Variants in IL1RAPL2 observed in about 807,000 individuals in gnomAD.
The protein encoded by IL1RAPL2 is interleukin 1 receptor accessory protein like 2, also known as X-linked interleukin-1 receptor accessory protein-like 2.
Under a neutral mutation model 44.1 loss-of-function variants are expected in IL1RAPL2, and 3 were observed. The observed-to-expected ratio is 0.07, with a 90% CI of 0.03 to 0.18. The LOEUF (loss-of-function observed/expected upper bound fraction) is 0.18, where lower values mean the gene tolerates loss of function less well. Ranked by LOEUF, IL1RAPL2 falls within the 10% of genes least tolerant of loss-of-function variation. The pLI, the probability that IL1RAPL2 is intolerant of heterozygous loss-of-function variation, is 1.00. For missense variants in IL1RAPL2, 391 were observed against 496.4 expected (o/e 0.79, Z 2.02); for synonymous variants, 181 against 178.8 (o/e 1.01, Z -0.10).
At chrX:104,596,492 C>T (rs1191126407) in intron 1 of IL1RAPL2, among the ~76,000 whole-genome samples, 2 of 111,626 alleles carry the variant, frequency 1.8e-5, no homozygotes, top group Non-Finnish European at 3.8e-5. Flanking sequence ...AAACTGGAAT[C>T]CAGATGCTAG....
intron 6 of IL1RAPL2, among the ~76,000 whole-genome samples, chrX:105,576,149 G>A (rs185821950): frequency 1.5e-3 from 162 of 110,677 alleles, no homozygotes; most frequent in Admixed American, 5.1e-3. Context: ...TCTTTTGCTG[G>A]GCAGAAGCTC....
intron 5 of IL1RAPL2, among the ~76,000 whole-genome samples, chrX:105,285,418 AAATT>A (rs1488768052): frequency 8.9e-6 from 1 of 112,221 alleles, no homozygotes; most frequent in Non-Finnish European, 1.9e-5. Context: ...ATGTCTTTTT[AAATT>A]AATTAATTAA....
At chrX:104,849,907 T>C (rs988927005) in intron 2 of IL1RAPL2, among the ~76,000 whole-genome samples, 2 of 111,272 alleles carry the variant, frequency 1.8e-5, no homozygotes, top group African/African-American at 6.5e-5. Context: ...GGAATTCTGG[T>C]TAACTCTGCC....
At chrX:104,647,987 A>T in intron 1 of IL1RAPL2, 1 of 813,393 alleles carries the variant, frequency 1.2e-6, no homozygotes, top group Admixed American at 2.3e-5. Flanking sequence ...GGACACAAAC[A>T]CTTTGGCAGC....
At chrX:104,840,153 G>A (rs1401912387) in intron 2 of IL1RAPL2, among the ~76,000 whole-genome samples, 1 of 111,635 alleles carries the variant, frequency 9.0e-6, no homozygotes, top group Admixed American at 9.6e-5. Context: ...TAATTGTGAT[G>A]TTATGGTGTT....
intron 2 of IL1RAPL2, among the ~76,000 whole-genome samples, chrX:104,693,570 C>T (rs772440705): frequency 1.8e-4 from 20 of 111,855 alleles, no homozygotes; most frequent in Non-Finnish European, 3.4e-4. Flanking sequence ...AAACGGACTG[C>T]CACACGGTGA....
chrX:104,614,550 T>C (rs1929230578), intron 1 of IL1RAPL2, among the ~76,000 whole-genome samples: 1 of 111,584 alleles, frequency 9.0e-6, no homozygotes, highest in Non-Finnish European at 1.9e-5. Flanking sequence ...ACTGATCAAA[T>C]GTTGAGTTCA....
In IL1RAPL2 at chrX:105,195,676, G is replaced by A; in HGVS notation, c.284G>A (p.Ser95Asn). The change falls in exon 3 of 11, where the codon AGC becomes AAC. Residue 95 changes from serine to asparagine, a missense_variant. Transcript: ENST00000372582. ...ATCATCTTTTCAGAGGTCAGGATGA[G>A]CAAAGAGGAAGATTCAATATGGTTT... ...EPIIFSEVRM[S>N]KEEDSIWFHS... The A allele has an allele frequency of 1.7e-6, 2 of 1,211,530 alleles. No homozygotes were observed. Among genetic ancestry groups the A allele is most frequent in the Non-Finnish European group, 2.2e-6 (2 of 895,073 alleles).
intron 2 of IL1RAPL2, among the ~76,000 whole-genome samples, chrX:104,839,728 T>A (rs1252357887): frequency 8.9e-6 from 1 of 111,800 alleles, no homozygotes. Flanking sequence ...GGGCTTTTTT[T>A]GTTTCGTAGG....
At chrX:105,406,055 T>C (rs1040541724) in intron 5 of IL1RAPL2, 12 of 1,198,596 alleles carry the variant, frequency 1.0e-5, no homozygotes, top group Non-Finnish European at 1.2e-5. Context: ...ACTTTACAAC[T>C]ACACGCATTA....
chrX:104,681,653 A>G (rs1930892839), intron 2 of IL1RAPL2, among the ~76,000 whole-genome samples: 1 of 112,797 alleles, frequency 8.9e-6, no homozygotes, highest in Admixed American at 9.4e-5. Flanking sequence ...AACTAATAGA[A>G]TCATGTCCTG....
At chrX:105,266,050 T>A (rs912067620) in intron 4 of IL1RAPL2, among the ~76,000 whole-genome samples, 63 of 110,694 alleles carry the variant, frequency 5.7e-4, no homozygotes, top group South Asian at 1.2e-3. Flanking sequence ...AAATACTTTT[T>A]TTTTTTTTGA....
At position 105,373,573 on chromosome X, in the gene IL1RAPL2, T is replaced by C. The variant is rs150815857; in HGVS notation, c.697+106032T>C. Among the ~76,000 whole-genome samples the C allele has an allele frequency of 7.1e-5, 8 of 112,009 alleles. No individual in the cohort carries two copies. In the East Asian group the frequency reaches 2.2e-3, roughly 31 times the overall value. On this transcript the variant is annotated intron_variant, in intron 5 of 10. Transcript: ENST00000372582. ...TTTGGTGCAATTACTTTTGGCATCT[T>C]TGTCATGAAATCTTTGCTCGTTTCT... is the stretch of plus-strand genomic sequence containing the variant.
At chrX:105,628,942 C>CAA (rs34686044) in intron 6 of IL1RAPL2, among the ~76,000 whole-genome samples, 56 of 92,914 alleles carry the variant, frequency 6.0e-4, no homozygotes, top group African/African-American at 6.0e-4. Flanking sequence ...GACTTCATCT[C>CAA]AAAAAAAAAA....
chrX:104,576,494 C>T lies in IL1RAPL2; in HGVS notation c.-20+9443C>T, dbSNP rs766992170. ...TCTTTTTTACAAAAGTATCCTAAGG[C>T]GTTGTACCATAGGATATATCATTTA... is the stretch of plus-strand genomic sequence containing the variant. On this transcript the variant is annotated intron_variant, in intron 1 of 10. Coordinates refer to ENST00000372582, the MANE Select transcript of IL1RAPL2 (RefSeq NM_017416.2). Among the ~76,000 whole-genome samples, 22 of 111,440 alleles carry T rather than the reference C, an allele frequency of 2.0e-4. 1 individual carries two copies. The South Asian group carries it at 6.8e-3, about 34-fold the overall frequency.
intron 2 of IL1RAPL2, among the ~76,000 whole-genome samples, chrX:104,797,803 T>C (rs1273937412): frequency 1.8e-5 from 2 of 112,430 alleles, no homozygotes; most frequent in African/African-American, 6.5e-5. Context: ...AGGGCGGTGA[T>C]GTTTTCTGTC....
intron 6 of IL1RAPL2, among the ~76,000 whole-genome samples, chrX:105,504,905 A>G (rs759373511): frequency 1.1e-3 from 125 of 111,775 alleles, no homozygotes; most frequent in African/African-American, 3.8e-3. Context: ...ACTATAAATA[A>G]TAGGCAGTTC....
At chrX:105,338,266 G>A (rs1321215229) in intron 5 of IL1RAPL2, among the ~76,000 whole-genome samples, 1 of 111,908 alleles carries the variant, frequency 8.9e-6, no homozygotes, top group Non-Finnish European at 1.9e-5. Flanking sequence ...TTACTGTCAG[G>A]ATTGTAACTA....
intron 1 of IL1RAPL2, among the ~76,000 whole-genome samples, chrX:104,608,662 C>CTTTTTTTTTT (rs60105376): frequency 1.7e-5 from 1 of 58,546 alleles, no homozygotes; most frequent in Non-Finnish European, 2.9e-5. Context: ...GCAACCCCTG[C>CTTTTTTTTTT]TTTTTTTTTT....
Sources: allele counts gnomAD v4.1 joint callset (sites outside exome capture counted in the v4.1 genomes callset), GRCh38; gene constraint gnomAD v4.1.1; transcripts MANE v1.5; gene names NCBI Gene and HGNC (gene_info 2026-07-23, HGNC 2026-07-21).